CSMD1: variants seen among roughly 807,000 people sequenced by gnomAD.
CSMD1 encodes CUB and Sushi multiple domains 1.
Under a neutral mutation model 417.5 loss-of-function variants are expected in CSMD1, and 213 were observed. The ratio of observed to expected loss-of-function variants is 0.51; its 90% CI spans 0.46 to 0.57. The LOEUF is 0.57. Ranked by LOEUF, CSMD1 falls within the 20% of genes least tolerant of loss-of-function variation. The probability of loss-of-function intolerance (pLI) is 0.00; values close to 1 mark genes in which losing one functional copy is unlikely to be tolerated. For missense variants in CSMD1, 6,923 were observed against 4,529.7 expected, an observed-to-expected ratio of 1.53 and a Z score of -15.17; for synonymous variants, 2,862 against 1,736.8, an observed-to-expected ratio of 1.65 and a Z score of -16.11.
At chr8:3,591,515 C>G (rs1305257256) in intron 8 of CSMD1, among the ~76,000 whole-genome samples, 2 of 152,094 alleles carry the variant, frequency 1.3e-5, no homozygotes, top group African/African-American at 4.8e-5. Flanking sequence ...TGAGGTGACT[C>G]GAAGATTAAA....
intron 3 of CSMD1, among the ~76,000 whole-genome samples, chr8:4,155,814 C>T (rs1216332871): frequency 6.6e-6 from 1 of 152,118 alleles, no homozygotes; most frequent in African/African-American, 2.4e-5. Context: ...ATACACAAAG[C>T]TGCAAAGTCA....
At chr8:4,290,777 G>T (rs1236613069) in intron 3 of CSMD1, among the ~76,000 whole-genome samples, 1 of 152,094 alleles carries the variant, frequency 6.6e-6, no homozygotes, top group Non-Finnish European at 1.5e-5. Context: ...CTGTAAGTCT[G>T]ATTTTTTGGT....
chr8:4,188,024 A>G (rs1325107607), intron 3 of CSMD1, among the ~76,000 whole-genome samples: 4 of 152,096 alleles, frequency 2.6e-5, no homozygotes, highest in African/African-American at 4.8e-5. Context: ...TTAAAAAAAG[A>G]CCTAAGACAG....
chr8:4,392,754 G>C (rs1017948856), intron 3 of CSMD1, among the ~76,000 whole-genome samples: 1 of 151,522 alleles, frequency 6.6e-6, no homozygotes, highest in African/African-American at 2.4e-5. Context: ...CGGATCACGA[G>C]GTCAAGAGAT....
At chr8:3,429,739 A>T (rs34323169) in intron 12 of CSMD1, among the ~76,000 whole-genome samples, 4,362 of 152,212 alleles carry the variant, frequency 0.029, 92 homozygotes, top group Middle Eastern at 0.1. Context: ...TCAGCGTAAA[A>T]TTTTCTATGA....
chr8:4,759,124 G>A (rs947873646), intron 1 of CSMD1, among the ~76,000 whole-genome samples: 10 of 152,200 alleles, frequency 6.6e-5, no homozygotes, highest in Non-Finnish European at 1.3e-4. Flanking sequence ...GGCTGAGGGA[G>A]AAGGTGAACT....
intron 1 of CSMD1, among the ~76,000 whole-genome samples, chr8:4,763,436 G>A (rs1046383113): frequency 6.6e-6 from 1 of 152,118 alleles, no homozygotes; most frequent in Non-Finnish European, 1.5e-5. Context: ...CACTTACAAA[G>A]AAGGGTGCAT....
chr8:3,421,627 A>G (rs984977069), intron 12 of CSMD1, among the ~76,000 whole-genome samples: 3 of 152,174 alleles, frequency 2.0e-5, no homozygotes, highest in Non-Finnish European at 4.4e-5. Flanking sequence ...CTAAATTATA[A>G]ATTCTACAGA....
intron 3 of CSMD1, among the ~76,000 whole-genome samples, chr8:4,097,864 T>TA (rs1483075208): frequency 5.9e-5 from 9 of 152,238 alleles, no homozygotes; most frequent in Non-Finnish European, 1.2e-4. Context: ...CACTACTGTG[T>TA]GACTACGTCT....
intron 25 of CSMD1, among the ~76,000 whole-genome samples, chr8:3,296,035 C>A (rs566964147): frequency 6.6e-6 from 1 of 152,058 alleles, no homozygotes; most frequent in South Asian, 2.1e-4. Flanking sequence ...AAGAGACAGG[C>A]AGTCCACAGC....
chr8:4,856,906 C>A (rs1289907998), intron 1 of CSMD1, among the ~76,000 whole-genome samples: 2 of 152,122 alleles, frequency 1.3e-5, no homozygotes, highest in Non-Finnish European at 2.9e-5. Flanking sequence ...CAGCTCTGAA[C>A]CAAGTGGACC....
chr8:3,481,088 G>A (rs73499649), intron 11 of CSMD1, among the ~76,000 whole-genome samples: 6,117 of 149,576 alleles, frequency 0.041, 241 homozygotes, highest in East Asian at 0.16. Flanking sequence ...CCCAGAAGGC[G>A]GAGCTTGCAG....
intron 3 of CSMD1, among the ~76,000 whole-genome samples, chr8:4,312,048 T>G (rs969677957): frequency 6.6e-6 from 1 of 152,148 alleles, no homozygotes; most frequent in South Asian, 2.1e-4. Context: ...ATCATTGTCA[T>G]TTCTAGCTAG....
chr8:3,708,667 T>C (rs1389219606), intron 6 of CSMD1, among the ~76,000 whole-genome samples, 176 bp from the exon 7 acceptor site: 6 of 152,128 alleles, frequency 3.9e-5, no homozygotes, highest in Admixed American at 1.3e-4. Flanking sequence ...AAATAATTAT[T>C]GTGAGGCTAT....
At chr8:4,923,657 C>G (rs1203764518) in intron 1 of CSMD1, among the ~76,000 whole-genome samples, 1 of 152,146 alleles carries the variant, frequency 6.6e-6, no homozygotes. Context: ...CTCACATGTT[C>G]TCTCCTGGTA....
intron 2 of CSMD1, among the ~76,000 whole-genome samples, chr8:4,553,621 G>C (rs1797966055): frequency 6.6e-6 from 1 of 152,018 alleles, no homozygotes; most frequent in Non-Finnish European, 1.5e-5. Flanking sequence ...AACCAGCTTA[G>C]CTCTACCAAT....
In CSMD1 at chr8:4,412,935, T is replaced by A. The variant is rs528260177; in HGVS notation, c.415+7018A>T. Among the ~76,000 whole-genome samples, 329 of 152,336 alleles carry A rather than the reference T, an allele frequency of 2.2e-3. 2 individuals carry two copies. Among genetic ancestry groups the A allele is most frequent in the African/African-American group, 7.7e-3 (322 of 41,576 alleles). ...ATCAGATAAAAGAAAAGTTGACGCC[T>A]CAGGTTAACAGAACTTGTATCATCA... On this transcript the variant is annotated intron_variant, in intron 3 of 69. Transcript: ENST00000635120.
chr8:3,388,441 G>A (rs980348567), intron 17 of CSMD1, among the ~76,000 whole-genome samples: 1 of 152,138 alleles, frequency 6.6e-6, no homozygotes, highest in Non-Finnish European at 1.5e-5. Flanking sequence ...GTTTACATAT[G>A]CGAAGAAATA....
intron 5 of CSMD1, among the ~76,000 whole-genome samples, chr8:3,986,555 A>G (rs1042888134): frequency 6.6e-6 from 1 of 152,154 alleles, no homozygotes; most frequent in African/African-American, 2.4e-5. Context: ...CGTATAAATT[A>G]TAAGTATCTT....
Sources: allele counts gnomAD v4.1 joint callset (sites outside exome capture counted in the v4.1 genomes callset), GRCh38; gene constraint gnomAD v4.1.1; transcripts MANE v1.5; gene names NCBI Gene and HGNC (gene_info 2026-07-23, HGNC 2026-07-21).